The following AHNAK variants were observed in gnomAD, a reference collection of about 807,000 sequenced individuals.
AHNAK encodes neuroblast differentiation-associated protein AHNAK.
AHNAK carries 23 observed loss-of-function variants against 37.8 expected under a neutral mutation model. The ratio of observed to expected loss-of-function variants is 0.61; its 90% CI spans 0.44 to 0.86. The LOEUF (loss-of-function observed/expected upper bound fraction) is 0.86, where lower values mean the gene tolerates loss of function less well. AHNAK is among the 40% of genes least tolerant of loss of function. The probability of loss-of-function intolerance (pLI) is 0.00; values close to 1 mark genes in which losing one functional copy is unlikely to be tolerated. For missense variants in AHNAK, 7,411 were observed against 7,319.4 expected, an observed-to-expected ratio of 1.01 and a Z score of -0.46; for synonymous variants, 2,481 against 2,636.3, an observed-to-expected ratio of 0.94 and a Z score of 1.80.
intron 5 of AHNAK, among the ~76,000 whole-genome samples, chr11:62,451,329 C>T (rs1404025536): frequency 3.3e-5 from 5 of 151,000 alleles, no homozygotes; most frequent in African/African-American, 9.7e-5. Flanking sequence ...CTCAGACACT[C>T]GCCCTATGTC....
At chr11:62,479,114 A>G (rs1939208182) in intron 5 of AHNAK, among the ~76,000 whole-genome samples, 3 of 151,336 alleles carry the variant, frequency 2.0e-5, no homozygotes, top group Non-Finnish European at 2.9e-5. Context: ...GTAATAAGAT[A>G]GTAGGACAAC....
At chr11:62,499,276 C>T (rs1258010728) in intron 4 of AHNAK, among the ~76,000 whole-genome samples, 1 of 152,182 alleles carries the variant, frequency 6.6e-6, no homozygotes, top group Non-Finnish European at 1.5e-5. Flanking sequence ...CTGCCAGGCG[C>T]AGTGGCTTAT....
Position 62,525,805 on chromosome 11 carries a change from AG to A in AHNAK, c.8611del (p.Leu2871SerfsTer22). ...ATCAATGTCCACTTTGGGGCCTTTG[AG>A]GTCAACTTCAGGACCTTTCAGATCT... ...EGDLKGPEVD[L>X]KGPKVDIDVP... is the part of the protein sequence containing the mutation. On this transcript the variant is annotated frameshift_variant, in exon 5 of 5. Transcript: ENST00000378024. LOFTEE classifies it low-confidence loss of function (END_TRUNC). The A allele has an allele frequency of 6.2e-7, 1 of 1,613,814 alleles. No individual in the cohort carries two copies. The highest frequency in any genetic ancestry group is 1.3e-5 in the African/African-American group (1 of 74,914).
At position 62,524,849 on chromosome 11, in the gene AHNAK, C is replaced by G. The variant is rs11231129; in HGVS notation, c.9568G>C (p.Val3190Leu). ...GGACCTTCAATATTCACATCTGGAA[C>G]ATCAACGTCCACCTTGGGTCCTGAG... ...DVSGPKVDVD[V>L]PDVNIEGPDA... Residue 3190 changes from valine to leucine, a missense_variant, in exon 5 of 5, where the codon GTT becomes CTT. Transcript: ENST00000378024. The G allele has an allele frequency of 6.2e-7, 1 of 1,614,168 alleles. No homozygotes were observed. The highest frequency in any genetic ancestry group is 8.5e-7 in the Non-Finnish European group (1 of 1,180,030).
intron 5 of AHNAK, among the ~76,000 whole-genome samples, chr11:62,462,853 G>A (rs539715220): frequency 3.9e-5 from 6 of 152,232 alleles, no homozygotes; most frequent in South Asian, 4.2e-4. Context: ...GCTTCAGGCC[G>A]GGTGCGGTGG....
At chr11:62,481,466 C>T (rs1438729288) in intron 5 of AHNAK, among the ~76,000 whole-genome samples, 2 of 152,048 alleles carry the variant, frequency 1.3e-5, no homozygotes, top group South Asian at 4.1e-4. Context: ...CTCAGGGTCT[C>T]GTCCCTGCCT....
At position 62,517,408 on chromosome 11, in the gene AHNAK, C is replaced by A; in HGVS notation, c.17009G>T (p.Gly5670Val). The A allele has an allele frequency of 6.2e-7, 1 of 1,614,142 alleles. No homozygotes were observed. The highest frequency in any genetic ancestry group is 1.3e-5 in the African/African-American group (1 of 75,030). Reference sequence around the variant, plus strand: ...CATTTCTCTGCCAACCAGCTCACGGCCAGAGAAGGTAAATTTGGGGATCTT... The same window carrying A: ...CATTTCTCTGCCAACCAGCTCACGGACAGAGAAGGTAAATTTGGGGATCTT... ...KMKIPKFTFS[G>V]RELVGREMGV... The change falls in exon 5 of 5, where the codon GGC (glycine) becomes GTC (valine). Residue 5670 changes from glycine to valine, a missense_variant. By Grantham distance (109) the Gly-to-Val change is moderately radical (BLOSUM62 -3). Coordinates refer to ENST00000378024, the MANE Select transcript of AHNAK (RefSeq NM_001620.3).
chr11:62,537,832 G>T (rs1011801402), intron 1 of AHNAK, among the ~76,000 whole-genome samples: 1 of 151,914 alleles, frequency 6.6e-6, no homozygotes, highest in Non-Finnish European at 1.5e-5. Flanking sequence ...ACAGGCGCCC[G>T]CCACCATGCC....
At position 62,523,310 on chromosome 11, in the gene AHNAK, G is replaced by T; in HGVS notation, c.11107C>A (p.Pro3703Thr). 1 of 1,613,588 alleles carries T rather than the reference G, an allele frequency of 6.2e-7. No individual in the cohort carries two copies. The highest frequency in any genetic ancestry group is 8.5e-7 in the Non-Finnish European group (1 of 1,179,872). ...LPKVEGDLKG[P>T]EVDIKGPKVD... is the part of the protein sequence containing the mutation. ...TTGGGGCCCTTGATGTCCACCTCAG[G>T]GCCTTTTAGATCACCTTCCACTTTG... The change falls in exon 5 of 5, where the codon CCT becomes ACT. Residue 3703 changes from proline (P) to threonine (T), a missense_variant. Transcript: ENST00000378024.
intron 5 of AHNAK, among the ~76,000 whole-genome samples, chr11:62,465,512 T>C (rs76274539): frequency 1.3e-3 from 194 of 149,906 alleles, no homozygotes; most frequent in African/African-American, 4.3e-3. Context: ...ACTCAGGAGG[T>C]TGAGGCAGGA....
chr11:62,460,351 A>T (rs912048223), intron 5 of AHNAK, among the ~76,000 whole-genome samples: 1 of 152,112 alleles, frequency 6.6e-6, no homozygotes, highest in Non-Finnish European at 1.5e-5. Context: ...AGAGACTTTC[A>T]TGACCATGTC....
intron 4 of AHNAK, among the ~76,000 whole-genome samples, chr11:62,502,196 T>C (rs1438900388): frequency 6.6e-6 from 1 of 152,118 alleles, no homozygotes; most frequent in Non-Finnish European, 1.5e-5. Context: ...TCTGCCTCCT[T>C]TCCCACCCCA....
chr11:62,440,815 G>T (rs1054144268), intron 5 of AHNAK, among the ~76,000 whole-genome samples: 2 of 151,856 alleles, frequency 1.3e-5, no homozygotes, highest in African/African-American at 2.4e-5. Context: ...TATAGTGGGG[G>T]TTCACATCTG....
At position 62,535,183 on chromosome 11, in the gene AHNAK, C is replaced by A; in HGVS notation, c.162G>T (p.Gln54His). ...CAAAGTAGATGGTGGCACCCACAAT[C>A]TGGTCCCCTGAGCAGGGAAGAGCAG... is the stretch of plus-strand genomic sequence containing the variant. ...ARTGVVKEGD[Q>H]IVGATIYFDN... The change falls in exon 4 of 5, where the codon CAG (glutamine) becomes CAT (histidine). Residue 54 changes from glutamine to histidine, a missense_variant. Transcript: ENST00000378024. 1 of 1,609,456 alleles carries A rather than the reference C, an allele frequency of 6.2e-7. No homozygotes were observed. Among genetic ancestry groups the A allele is most frequent in the African/African-American group, 1.3e-5 (1 of 74,944 alleles).
chr11:62,503,202 A>G (rs1268976193), intron 4 of AHNAK, among the ~76,000 whole-genome samples: 2 of 152,192 alleles, frequency 1.3e-5, no homozygotes, highest in Admixed American at 6.5e-5. Context: ...GCAAAGCCCA[A>G]TCAAAGGTTG....
At chr11:62,453,085 G>T (rs1050676554) in intron 5 of AHNAK, among the ~76,000 whole-genome samples, 1 of 151,998 alleles carries the variant, frequency 6.6e-6, no homozygotes, top group Non-Finnish European at 1.5e-5. Flanking sequence ...CCCATCTGCT[G>T]CCCAAAACAA....
At chr11:62,504,372 AG>A (rs2134176557) in intron 4 of AHNAK, among the ~76,000 whole-genome samples, 1 of 152,184 alleles carries the variant, frequency 6.6e-6, no homozygotes, top group African/African-American at 2.4e-5. Flanking sequence ...TCCCTCCTGC[AG>A]CTAAATTCCT....
chr11:62,461,143 C>CTTTTTTTT (rs71056521), intron 5 of AHNAK, among the ~76,000 whole-genome samples: 1 of 79,836 alleles, frequency 1.3e-5, no homozygotes, highest in Non-Finnish European at 2.3e-5. Context: ...CCAAATTCCC[C>CTTTTTTTT]TTTTTTTTTT....
chr11:62,441,627 G>A (rs1474559747), intron 5 of AHNAK, among the ~76,000 whole-genome samples: 9 of 151,696 alleles, frequency 5.9e-5, no homozygotes, highest in Middle Eastern at 3.2e-3. Flanking sequence ...TTAGCCTCCC[G>A]AGTAGCTGGG....
Sources: gnomAD v4.1 joint callset for allele counts (sites outside exome capture counted in the v4.1 genomes callset) on GRCh38, gnomAD v4.1.1 for gene constraint, MANE v1.5 for transcripts, NCBI Gene and HGNC (gene_info 2026-07-23, HGNC 2026-07-21) for gene names.